Variants in MRPL4 observed in about 807,000 individuals in gnomAD.
The protein encoded by MRPL4 is mitochondrial ribosomal protein L4, also known as large ribosomal subunit protein uL4m.
A neutral mutation model predicts 34.1 loss-of-function variants in MRPL4; 34 were observed. That is an observed-to-expected ratio of 1.00 (90% CI 0.76 to 1.33). The LOEUF is 1.33. Ranked by LOEUF, MRPL4 falls within the 40% of genes most tolerant of loss-of-function variation. The pLI is 0.00. For missense variants in MRPL4, 402 were observed against 434.6 expected (o/e 0.92, Z 0.67); for synonymous variants, 196 against 188.3 (o/e 1.04, Z -0.33).
chr19:10,256,842 GAGGGGGCGGGGAGGGGT>G lies in MRPL4; in HGVS notation c.445+18_445+34del. On this transcript the variant is annotated intron_variant, in intron 5 of 8. Transcript: ENST00000253099. ...GGCGAGGAGGTAACAGGACAGGGTG[GAGGGGGCGGGGAGGGGT>G]GGGGGGGCCAGGGAAGGGCCTGGGT... is the stretch of plus-strand genomic sequence containing the variant. The G allele has an allele frequency of 1.4e-6, 2 of 1,379,418 alleles. No individual in the cohort carries two copies. The highest frequency in any genetic ancestry group is 1.5e-5 in the South Asian group (1 of 67,928). 85.4% of individuals were successfully genotyped at this position (1,379,418 alleles called of 1,614,324 possible).
chr19:10,259,672 C>T lies in MRPL4; in HGVS notation c.795C>T (p.Thr265=), dbSNP rs748381161. The change falls in exon 9 of 9, where the codon ACC becomes ACT. Residue 265 remains threonine, a synonymous_variant. Coordinates refer to ENST00000253099, the MANE Select transcript of MRPL4 (RefSeq NM_015956.3). ...AGACGCTGGTCCTGACGCTGCCCAC[C>T]GTCGCCTTCCTGGAGGACAAGCTGC... ...KHQTLVLTLP[T]VAFLEDKLLW... 11 of 1,612,732 alleles carry T rather than the reference C, an allele frequency of 6.8e-6. No homozygotes were observed. The highest frequency in any genetic ancestry group is 2.2e-5 in the South Asian group (2 of 90,886).
rs770765591 is a variant in MRPL4 at position 10,259,748 on chromosome 19, A to G, written c.871A>G (p.Ser291Gly). 28 of 1,613,908 alleles carry G rather than the reference A, an allele frequency of 1.7e-5. No individual in the cohort carries two copies. The highest frequency in any genetic ancestry group is 6.6e-5 in the South Asian group (6 of 91,068). ...CCTCTACCCCTTCAGCCTGCCCTAC[A>G]GCGACTTCCCCCGACCCCTACCCCA... ...RPLYPFSLPYSDFPRPLPHAT... is the reference protein window; with the variant it reads ...RPLYPFSLPYGDFPRPLPHAT... Residue 291 changes from serine (S) to glycine (G), a missense_variant, in exon 9 of 9, where the codon AGC becomes GGC. Coordinates refer to ENST00000253099, the MANE Select transcript of MRPL4 (RefSeq NM_015956.3).
chr19:10,252,230 C>T lies in MRPL4; in HGVS notation c.-24C>T, dbSNP rs759278286. ...CGAGGCTCCAGTGGCCTTGACCTCC[C>T]GCGGCGTGGGAGGCTGCGCGGCGAT... On this transcript the variant is annotated 5_prime_UTR_variant, in exon 1 of 9. Transcript: ENST00000253099. The T allele has an allele frequency of 1.3e-6, 2 of 1,586,446 alleles. No homozygotes were observed. The highest frequency in any genetic ancestry group is 1.1e-5 in the South Asian group (1 of 89,650).
Position 10,259,356 on chromosome 19 carries a change from G to A in MRPL4, c.740-261G>A, listed in dbSNP as rs1248024658. On this transcript the variant is annotated intron_variant, in intron 8 of 8. Coordinates refer to ENST00000253099, the MANE Select transcript of MRPL4 (RefSeq NM_015956.3). Reference sequence around the variant, plus strand: ...CCCTGGGTCTCCCCCACCAGAATGGGAGCCAGGAGTCCCAGCCAGGCACAG... The same window carrying A: ...CCCTGGGTCTCCCCCACCAGAATGGAAGCCAGGAGTCCCAGCCAGGCACAG... 9 of 1,384,230 alleles carry A rather than the reference G, an allele frequency of 6.5e-6. No homozygotes were observed. The Admixed American group carries it at 3.1e-4, about 48-fold the overall frequency. The allele number at this position is 1,384,230 out of a possible 1,614,324, so 85.7% of individuals were successfully genotyped here.
intron 4 of MRPL4, 46 bp downstream of exon 4, chr19:10,254,686 G>T: frequency 6.2e-7 from 1 of 1,610,206 alleles, no homozygotes; most frequent in Non-Finnish European, 8.5e-7. Context: ...GCTTCCTGGG[G>T]AGGTTGGGGA....
chr19:10,258,835 C>T (rs1406316674), intron 8 of MRPL4, 150 bp downstream of exon 8: 37 of 1,580,194 alleles, frequency 2.3e-5, no homozygotes, highest in Middle Eastern at 2.1e-4. Context: ...AAGCAATAAT[C>T]TTTCCTAAAG....
Position 10,252,463 on chromosome 19 carries a change from G to A in MRPL4, c.124G>A (p.Gly42Ser), listed in dbSNP as rs574649657. The A allele has an allele frequency of 6.2e-7, 1 of 1,614,020 alleles. No homozygotes were observed. The highest frequency in any genetic ancestry group is 2.2e-5 in the East Asian group (1 of 44,872). The change falls in exon 2 of 9, where the codon GGT becomes AGT. Residue 42 changes from glycine (G) to serine (S), a missense_variant and splice_region_variant. Transcript: ENST00000253099. The stretch of plus-strand genomic sequence containing the variant: ...GAACCCGGAGCAGGTGGCGAGCGAG[G>A]GTAAGGCAACCGGGGTGGCTCCAGG... ...TENPEQVASEGLPEPVLRKVE... is the reference protein window; with the variant it reads ...TENPEQVASESLPEPVLRKVE...
In MRPL4 at chr19:10,260,009, CTT is replaced by C. The variant is rs1293121840; in HGVS notation, c.*200_*201del. On this transcript the variant is annotated 3_prime_UTR_variant, in exon 9 of 9. Transcript: ENST00000253099. The stretch of plus-strand genomic sequence containing the variant: ...AGACGGGCTTCTGCATCCATTCCCT[CTT>C]TTTGTTTTTAAAATAAATTGTATTT... 2 of 464,070 alleles carry C rather than the reference CTT, an allele frequency of 4.3e-6. No individual in the cohort carries two copies. The highest frequency in any genetic ancestry group is 7.5e-6 in the Non-Finnish European group (2 of 266,254). 28.7% of individuals were successfully genotyped at this position (464,070 alleles called of 1,614,324 possible).
At chr19:10,254,896 C>T (rs1372792179) in intron 4 of MRPL4, 1 of 290,670 alleles carries the variant, frequency 3.4e-6, no homozygotes, top group African/African-American at 2.2e-5. Flanking sequence ...CCTCCGCTTC[C>T]TGGGTTCAAG....
At chr19:10,253,470 C>CA (rs571009042) in intron 3 of MRPL4, among the ~76,000 whole-genome samples, 27,009 of 102,894 alleles carry the variant, frequency 0.26, 4,553 homozygotes, top group African/African-American at 0.48. Context: ...CACTCTGTCT[C>CA]AAAAAAAAAA....
chr19:10,259,352 A>T, intron 8 of MRPL4: 1 of 1,384,014 alleles, frequency 7.2e-7, no homozygotes, highest in Non-Finnish European at 9.3e-7. Flanking sequence ...CCCCACCAGA[A>T]TGGGAGCCAG....
chr19:10,257,941 G>T (rs1454758795), intron 5 of MRPL4, among the ~76,000 whole-genome samples: 1 of 151,896 alleles, frequency 6.6e-6, no homozygotes, highest in Admixed American at 6.6e-5. Context: ...TGAGCTCCTG[G>T]GCTCAAGTGA....
chr19:10,256,514 C>T (rs1446674111), intron 4 of MRPL4, among the ~76,000 whole-genome samples, 194 bp from the exon 5 acceptor site: 1 of 152,132 alleles, frequency 6.6e-6, no homozygotes, highest in Non-Finnish European at 1.5e-5. Flanking sequence ...GGGCCCCTGC[C>T]TTTGTGAGGC....
intron 5 of MRPL4, 41 bp downstream of exon 5, chr19:10,256,866 G>GGGGGGGGGGGGGGGGGCC: frequency 7.9e-6 from 3 of 378,382 alleles, no homozygotes; most frequent in East Asian, 6.2e-5. Flanking sequence ...GGGTGGGGGG[G>GGGGGGGGGGGGGGGGGCC]CCAGGGAAGG....
At chr19:10,254,760 C>A in intron 4 of MRPL4, 120 bp downstream of exon 4, 3 of 970,734 alleles carry the variant, frequency 3.1e-6, no homozygotes, top group Non-Finnish European at 4.6e-6. Flanking sequence ...CCTCATCTGT[C>A]TCCTGAACTA....
chr19:10,254,520 G>C, intron 3 of MRPL4, 69 bp from the exon 4 acceptor site: 2 of 1,583,198 alleles, frequency 1.3e-6, no homozygotes, highest in East Asian at 4.5e-5. Flanking sequence ...AGAATCCTGG[G>C]TTTTCCTATA....
intron 8 of MRPL4, 27 bp downstream of exon 8, chr19:10,258,712 G>A: frequency 6.2e-7 from 1 of 1,614,088 alleles, no homozygotes; most frequent in Non-Finnish European, 8.5e-7. Context: ...GGCCCCTAGA[G>A]TGCGCATGTG....
intron 5 of MRPL4, 142 bp from the exon 6 acceptor site, chr19:10,258,080 G>A: frequency 3.2e-6 from 2 of 618,806 alleles, no homozygotes; most frequent in South Asian, 1.9e-5. Context: ...CCCTGATCCA[G>A]CCTCCCCTGA....
Position 10,259,609 on chromosome 19 carries a change from G to A in MRPL4, c.740-8G>A, listed in dbSNP as rs375741179. 99 of 426,084 alleles carry A rather than the reference G, an allele frequency of 2.3e-4. No homozygotes were observed. Among genetic ancestry groups the A allele is most frequent in the East Asian group, 1.5e-3 (12 of 8,076 alleles). The allele number at this position is 426,084 out of a possible 1,614,324, so 26.4% of individuals were successfully genotyped here. A position where few individuals can be genotyped will look rare whatever the true frequency, so the allele number is the denominator to read the frequency against. On this transcript the variant is annotated splice_polypyrimidine_tract_variant and splice_region_variant and intron_variant, in intron 8 of 8. Transcript: ENST00000253099. ...CGGCCCCCCGCCCCGCCCCCACCCCGCCCCCAGGCCTAAATGTGCACAGCA... is the reference window on the plus strand; with the variant it reads ...CGGCCCCCCGCCCCGCCCCCACCCCACCCCCAGGCCTAAATGTGCACAGCA...
Sources: gnomAD v4.1 joint callset for allele counts (sites outside exome capture counted in the v4.1 genomes callset) on GRCh38, gnomAD v4.1.1 for gene constraint, MANE v1.5 for transcripts, NCBI Gene and HGNC (gene_info 2026-07-23, HGNC 2026-07-21) for gene names.